Variants in LTAP1 observed in about 807,000 individuals in gnomAD.
LTAP1 encodes HCV NS5A-transactivated protein 4.
the LTAP1 span, chr1:154,220,009 C>A: frequency 7.9e-7 from 1 of 1,259,564 alleles, no homozygotes; most frequent in Non-Finnish European, 1.1e-6. Context: ...AAAAAGCATG[C>A]CTTCATTCCA....
the LTAP1 span, chr1:154,214,011 C>A: frequency 7.9e-5 from 115 of 1,464,078 alleles, no homozygotes; most frequent in African/African-American, 1.5e-3. Flanking sequence ...GGCGTGGTGG[C>A]TCATGCCTGT....
the LTAP1 span, among the ~76,000 whole-genome samples, chr1:154,214,844 A>AT: frequency 2.9e-3 from 412 of 140,342 alleles, 1 homozygote; most frequent in Middle Eastern, 0.019. Context: ...ATTATTTCCA[A>AT]TTTTTTTTTT....
chr1:154,219,552 G>A, the LTAP1 span, among the ~76,000 whole-genome samples: 20 of 152,308 alleles, frequency 1.3e-4, no homozygotes, highest in South Asian at 4.1e-4. Flanking sequence ...AGTTTAAGAT[G>A]AGCTGGGAAA....
chr1:154,217,658 G>C, the LTAP1 span, among the ~76,000 whole-genome samples: 1 of 151,878 alleles, frequency 6.6e-6, no homozygotes, highest in African/African-American at 2.4e-5. Flanking sequence ...TCAGCGTCCC[G>C]AGTAGTTAGG....
the LTAP1 span, chr1:154,213,940 T>C: frequency 4.3e-6 from 7 of 1,612,638 alleles, no homozygotes; most frequent in Non-Finnish European, 5.1e-6. Flanking sequence ...CAGATAGTTG[T>C]AGCAACCTGT....
chr1:154,207,346 CA>C, the LTAP1 span: 1 of 1,002,464 alleles, frequency 1.0e-6, no homozygotes, highest in Non-Finnish European at 1.5e-6. Flanking sequence ...TGGATGGATA[CA>C]GTCTGGGCCT....
the LTAP1 span, among the ~76,000 whole-genome samples, chr1:154,216,375 C>A: frequency 6.6e-6 from 1 of 152,006 alleles, no homozygotes; most frequent in Non-Finnish European, 1.5e-5. Context: ...CACTCTGTCA[C>A]CCAGGCTGGA....
the LTAP1 span, among the ~76,000 whole-genome samples, chr1:154,211,322 T>TTA: frequency 8.1e-6 from 1 of 123,076 alleles, no homozygotes. Context: ...TGTTATTTAA[T>TTA]TCTTTTTTTT....
chr1:154,216,780 C>T, the LTAP1 span, among the ~76,000 whole-genome samples: 1 of 151,888 alleles, frequency 6.6e-6, no homozygotes, highest in Non-Finnish European at 1.5e-5. Context: ...TCCCAAAGTG[C>T]TGGGATTACA....
chr1:154,217,128 T>C, the LTAP1 span, among the ~76,000 whole-genome samples: 2 of 151,500 alleles, frequency 1.3e-5, no homozygotes, highest in Non-Finnish European at 2.9e-5. Flanking sequence ...TTTGCATTTT[T>C]AGTACAGTCG....
the LTAP1 span, among the ~76,000 whole-genome samples, chr1:154,207,887 G>C: frequency 3.3e-5 from 5 of 152,084 alleles, no homozygotes; most frequent in African/African-American, 1.2e-4. Flanking sequence ...GATTGTTTGA[G>C]GTCAGGAGTT....
the LTAP1 span, among the ~76,000 whole-genome samples, chr1:154,211,030 C>T: frequency 6.6e-6 from 1 of 150,578 alleles, no homozygotes; most frequent in African/African-American, 2.4e-5. Context: ...TTTTTTGAGA[C>T]AGTCATGCTC....
At chr1:154,219,744 G>T in the LTAP1 span, 2 of 942,634 alleles carry the variant, frequency 2.1e-6, no homozygotes, top group East Asian at 2.6e-5. Context: ...AGAAACATGA[G>T]AATTAAAGTC....
At chr1:154,220,324 GT>G in the LTAP1 span, 1 of 1,613,968 alleles carries the variant, frequency 6.2e-7, no homozygotes, top group Non-Finnish European at 8.5e-7. Flanking sequence ...CAGGAATGGG[GT>G]GGGGTAATCT....
chr1:154,210,192 C>T, the LTAP1 span, among the ~76,000 whole-genome samples: 1 of 152,092 alleles, frequency 6.6e-6, no homozygotes. Context: ...GCATGTGCCA[C>T]CACACCAGGC....
At chr1:154,220,232 C>G in the LTAP1 span, 15 of 1,351,072 alleles carry the variant, frequency 1.1e-5, no homozygotes, top group Non-Finnish European at 1.5e-5. Flanking sequence ...AGTCAAAGCC[C>G]GGATAGGCGC....
the LTAP1 span, among the ~76,000 whole-genome samples, chr1:154,218,031 A>G: frequency 4.6e-5 from 7 of 152,094 alleles, no homozygotes; most frequent in African/African-American, 7.2e-5. Context: ...CTGGGCTCAC[A>G]TGATCTTCTG....
chr1:154,207,768 A>G, the LTAP1 span: 5 of 859,448 alleles, frequency 5.8e-6, no homozygotes, highest in African/African-American at 3.4e-5. Flanking sequence ...TATCTGTCCT[A>G]TTTTGTAAAC....
the LTAP1 span, among the ~76,000 whole-genome samples, chr1:154,219,630 T>C: frequency 1.3e-5 from 2 of 152,162 alleles, no homozygotes; most frequent in Admixed American, 1.3e-4. Context: ...AAACAGAAGT[T>C]CCAGGATGAG....
Sources: allele counts gnomAD v4.1 joint callset (sites outside exome capture counted in the v4.1 genomes callset), GRCh38; gene constraint gnomAD v4.1.1; transcripts MANE v1.5; gene names NCBI Gene and HGNC (gene_info 2026-07-23, HGNC 2026-07-21).